RPTOR: variants seen among roughly 807,000 people sequenced by gnomAD.
The protein encoded by RPTOR is regulatory associated protein of MTOR complex 1.
Under a neutral mutation model 169.9 loss-of-function variants are expected in RPTOR, and 21 were observed. That is an observed-to-expected ratio of 0.12 (90% CI 0.09 to 0.18). The LOEUF (loss-of-function observed/expected upper bound fraction) is 0.18. RPTOR is among the 10% of genes least tolerant of loss of function. The pLI, the probability that RPTOR is intolerant of heterozygous loss-of-function variation, is 1.00. For missense variants in RPTOR, 1,133 were observed against 1,855.9 expected (o/e 0.61, Z 7.16); for synonymous variants, 732 against 753.2 (o/e 0.97, Z 0.46).
chr17:80,565,870 C>T (rs9891524), intron 1 of RPTOR, among the ~76,000 whole-genome samples: 12,160 of 152,312 alleles, frequency 0.08, 1,640 homozygotes, highest in African/African-American at 0.28. Context: ...GGGTGTTAAG[C>T]GGCGAGCCAG....
chr17:80,938,146 A>G (rs902184566), intron 24 of RPTOR, among the ~76,000 whole-genome samples: 4 of 151,360 alleles, frequency 2.6e-5, no homozygotes, highest in African/African-American at 9.7e-5. Flanking sequence ...GCCCCCTGAA[A>G]CCCCTCAGCT....
intron 24 of RPTOR, among the ~76,000 whole-genome samples, chr17:80,929,134 A>C (rs2068845549): frequency 1.3e-5 from 2 of 152,242 alleles, no homozygotes; most frequent in Admixed American, 1.3e-4. Context: ...GTTAATTTAA[A>C]ATGATGGATC....
At chr17:80,855,637 C>G in intron 12 of RPTOR, 90 bp downstream of exon 12, 1 of 1,016,564 alleles carries the variant, frequency 9.8e-7, no homozygotes, top group Non-Finnish European at 1.5e-6. Flanking sequence ...TTTCATGATC[C>G]AGAGCCACCC....
chr17:80,763,161 A>C (rs2066752141), intron 6 of RPTOR, among the ~76,000 whole-genome samples: 2 of 152,152 alleles, frequency 1.3e-5, no homozygotes, highest in African/African-American at 2.4e-5. Context: ...CAGGAGGATC[A>C]GTTGAGCCCA....
intron 21 of RPTOR, among the ~76,000 whole-genome samples, chr17:80,915,824 G>A (rs1230305476): frequency 6.7e-6 from 1 of 149,742 alleles, no homozygotes; most frequent in East Asian, 2.0e-4. Context: ...ACCAGCTGCG[G>A]AGAGGAGTTA....
At chr17:80,624,097 T>G (rs2065375626) in intron 1 of RPTOR, among the ~76,000 whole-genome samples, 1 of 152,116 alleles carries the variant, frequency 6.6e-6, no homozygotes, top group Non-Finnish European at 1.5e-5. Flanking sequence ...GTACTCTCAA[T>G]TAAATTAATG....
rs1163900924 is a variant in RPTOR at position 80,754,281 on chromosome 17, G to GA, written c.830+96_830+97insA. ...GGCCCCAGGCATTCACCTGGTCCCA[G>GA]GAGCCCACGTGACAGACATGAGTGT... On this transcript the variant is annotated intron_variant, in intron 6 of 33. Coordinates refer to ENST00000306801, the MANE Select transcript of RPTOR (RefSeq NM_020761.3). The surrounding 1 kb of genome is among the most constrained non-coding windows in gnomAD (Gnocchi z 4.2). The GA allele has an allele frequency of 2.4e-6, 3 of 1,262,762 alleles. No homozygotes were observed. In the East Asian group the frequency reaches 7.1e-5, roughly 30 times the overall value. The allele number at this position is 1,262,762 out of a possible 1,614,324, so 78.2% of individuals were successfully genotyped here.
chr17:80,676,618 G>A (rs147212504), intron 3 of RPTOR, among the ~76,000 whole-genome samples: 2 of 152,286 alleles, frequency 1.3e-5, no homozygotes, highest in African/African-American at 4.8e-5. Context: ...CTGCAGGGTC[G>A]GAATACTGCA....
chr17:80,572,511 T>G (rs1398304826), intron 1 of RPTOR, among the ~76,000 whole-genome samples: 1 of 152,132 alleles, frequency 6.6e-6, no homozygotes, highest in Non-Finnish European at 1.5e-5. Flanking sequence ...ATATGTATTA[T>G]AAATACCTCC....
rs186050921 is a variant in RPTOR, at chr17:80,728,150, A to T, written c.508-2410A>T. 1.2e-4 allele frequency among the ~76,000 whole-genome samples: 19 copies of T among 152,272 alleles called. No individual in the cohort carries two copies. The East Asian group carries it at 3.5e-3, about 28-fold the overall frequency. On this transcript the variant is annotated intron_variant, in intron 4 of 33. Transcript: ENST00000306801. ...TTTTTGATTCATTTTTCTTCTGTGA[A>T]TTGCCTGTTTGTATGTTTTGCCTGT...
chr17:80,690,465 T>G (rs1323879047), intron 3 of RPTOR, among the ~76,000 whole-genome samples: 1 of 152,208 alleles, frequency 6.6e-6, no homozygotes, highest in Non-Finnish European at 1.5e-5. Context: ...CCCAGCACTC[T>G]CTGTGCACCT....
At chr17:80,884,930 ACACACAGCC>A in intron 16 of RPTOR, 69 bp from the exon 17 acceptor site, 1 of 1,525,766 alleles carries the variant, frequency 6.6e-7, no homozygotes, top group Admixed American at 2.0e-5. Flanking sequence ...ATTCACCTGC[ACACACAGCC>A]CTGGCAGAAA....
intron 1 of RPTOR, among the ~76,000 whole-genome samples, chr17:80,611,770 A>G (rs564554358): frequency 1.3e-5 from 1 of 74,838 alleles, no homozygotes; most frequent in African/African-American, 7.6e-5. Flanking sequence ...TTTTTTTTTT[A>G]AAAAAAACAA....
chr17:80,947,766 T>C lies in RPTOR; in HGVS notation c.3265+415T>C, dbSNP rs957997233. On this transcript the variant is annotated intron_variant, in intron 27 of 33. Coordinates refer to ENST00000306801, the MANE Select transcript of RPTOR (RefSeq NM_020761.3). The surrounding 1 kb of genome is among the most constrained non-coding windows in gnomAD (Gnocchi z 4.4). ...CTGGCATCGCTGGCTCATTTGCCAG[T>C]TGCTGTCCCCACTGGGAGCTGGCAC... 2.0e-5 allele frequency among the ~76,000 whole-genome samples: 3 copies of C among 152,116 alleles called. No individual in the cohort carries two copies. Among genetic ancestry groups the C allele is most frequent in the Non-Finnish European group, 4.4e-5 (3 of 68,022 alleles).
intron 16 of RPTOR, among the ~76,000 whole-genome samples, chr17:80,884,322 T>A (rs2672874): frequency 0.56 from 84,817 of 151,988 alleles, 24,480 homozygotes; most frequent in African/African-American, 0.71. Context: ...GGGCAAGGAG[T>A]CAGGCCAGTG....
chr17:80,673,514 T>C (rs1318032256), intron 3 of RPTOR, among the ~76,000 whole-genome samples: 1 of 152,252 alleles, frequency 6.6e-6, no homozygotes, highest in African/African-American at 2.4e-5. Flanking sequence ...GCAGCTGTCA[T>C]CGTTGTTTGG....
chr17:80,864,993 G>A (rs1258970909), intron 13 of RPTOR, among the ~76,000 whole-genome samples: 1 of 152,166 alleles, frequency 6.6e-6, no homozygotes, highest in African/African-American at 2.4e-5. Context: ...GCACCCCACA[G>A]AATGTATAAC....
chr17:80,937,951 G>C (rs2068974773), intron 24 of RPTOR, among the ~76,000 whole-genome samples: 1 of 152,226 alleles, frequency 6.6e-6, no homozygotes, highest in Admixed American at 6.5e-5. Flanking sequence ...CAGACACTTG[G>C]GGTGGTTCCG....
rs964741523 is a variant in RPTOR at position 80,723,482 on chromosome 17, A to T, written c.508-7078A>T. Among the ~76,000 whole-genome samples the T allele has an allele frequency of 3.1e-4, 47 of 151,486 alleles. 4 individuals are homozygous for T. Among genetic ancestry groups the T allele is most frequent in the African/African-American group, 8.6e-4 (35 of 40,770 alleles). Reference sequence around the variant, plus strand: ...TAATATTTATTTTACTTCTTGGGTTATAATCCATTATTATTATCATTATTT... The same window carrying T: ...TAATATTTATTTTACTTCTTGGGTTTTAATCCATTATTATTATCATTATTT... On this transcript the variant is annotated intron_variant, in intron 4 of 33. Coordinates refer to ENST00000306801, the MANE Select transcript of RPTOR (RefSeq NM_020761.3).
Sources: allele counts gnomAD v4.1 joint callset (sites outside exome capture counted in the v4.1 genomes callset), GRCh38; gene constraint gnomAD v4.1.1; non-coding constraint Gnocchi (gnomAD v3.1); transcripts MANE v1.5; gene names NCBI Gene and HGNC (gene_info 2026-07-23, HGNC 2026-07-21).